The following ASTN1 variants were observed in gnomAD, a reference collection of about 807,000 sequenced individuals.
ASTN1 encodes astrotactin 1.
In ASTN1, 41 loss-of-function variants were observed where a neutral mutation model predicts 140.7. The observed-to-expected ratio is 0.29, with a 90% CI of 0.23 to 0.38. The LOEUF (loss-of-function observed/expected upper bound fraction) is 0.38, where lower values mean the gene tolerates loss of function less well. Ranked by LOEUF, ASTN1 falls within the 10% of genes least tolerant of loss-of-function variation. The pLI is 1.00. For missense variants in ASTN1, 1,479 were observed against 1,678.8 expected, an observed-to-expected ratio of 0.88 and a Z score of 2.08; for synonymous variants, 640 against 652.2, an observed-to-expected ratio of 0.98 and a Z score of 0.29.
chr1:177,061,168 A>G lies in ASTN1; in HGVS notation c.381T>C (p.Gly127=), dbSNP rs776926099. ...TLLFHIHHQD[G]APSLPGQDPT... is the part of the protein sequence containing the mutation. ...GGTCTTGTCCAGGAAGGCTTGGGGCACCATCTTGGTGATGAATGTGAAAAA... is the reference window on the plus strand; with the variant it reads ...GGTCTTGTCCAGGAAGGCTTGGGGCGCCATCTTGGTGATGAATGTGAAAAA... The change falls in exon 2 of 23, where the codon GGT becomes GGC. Residue 127 remains glycine (G), a synonymous_variant. Transcript: ENST00000361833. The G allele has an allele frequency of 8.1e-6, 13 of 1,611,568 alleles. No individual in the cohort carries two copies. Among genetic ancestry groups the G allele is most frequent in the South Asian group, 4.4e-5 (4 of 90,464 alleles).
At chr1:176,860,978 A>T, downstream of ASTN1, 3 of 675,692 alleles carry the variant, frequency 4.4e-6, no homozygotes, top group Non-Finnish European at 5.5e-6. Context: ...CTGGAATCTG[A>T]AGTGTAACCT....
chr1:177,075,645 C>CTT lies in ASTN1; in HGVS notation c.284-14382_284-14381dup, dbSNP rs5778927. 3.6e-3 allele frequency among the ~76,000 whole-genome samples: 358 copies of CTT among 99,534 alleles called. 2 individuals carry two copies. The highest frequency in any genetic ancestry group is 0.013 in the African/African-American group (312 of 23,740). 65.3% of individuals were successfully genotyped at this position (99,534 alleles called of 152,430 possible). ...TCTTTCTTTTCTTTTCTTTTCTTTT[C>CTT]TTTTTTTTTTTTTTTTTTTGAGACA... On this transcript the variant is annotated intron_variant, in intron 1 of 22. Transcript: ENST00000361833.
chr1:177,015,420 C>A (rs1269200790), intron 7 of ASTN1, among the ~76,000 whole-genome samples: 2 of 152,142 alleles, frequency 1.3e-5, no homozygotes, highest in Admixed American at 6.5e-5. Context: ...GACTCCAGAC[C>A]TTTTTCTCCC....
intron 1 of ASTN1, among the ~76,000 whole-genome samples, chr1:177,129,981 A>G (rs545909985): frequency 4.6e-4 from 70 of 152,286 alleles, no homozygotes; most frequent in African/African-American, 1.6e-3. Context: ...ATAAAAAAGA[A>G]AAAAGAATTT....
chr1:177,164,361 C>T, intron 1 of ASTN1, 33 bp downstream of exon 1: 1 of 1,532,442 alleles, frequency 6.5e-7, no homozygotes, highest in Non-Finnish European at 8.8e-7. Context: ...CGGTCCAGCG[C>T]CTCCGGCCGC....
At chr1:177,054,035 T>C (rs1354133325) in intron 2 of ASTN1, among the ~76,000 whole-genome samples, 3 of 152,172 alleles carry the variant, frequency 2.0e-5, no homozygotes, top group African/African-American at 4.8e-5. Flanking sequence ...ACATCAAAAG[T>C]TGGTGAAATG....
intron 8 of ASTN1, among the ~76,000 whole-genome samples, chr1:176,994,158 A>ATTAC (rs1303866242): frequency 6.6e-6 from 1 of 151,428 alleles, no homozygotes; most frequent in Non-Finnish European, 1.5e-5. Flanking sequence ...ATAGCAGGTA[A>ATTAC]ATTCCTCTCC....
intron 10 of ASTN1, 123 bp downstream of exon 10, chr1:176,958,222 G>A (rs1291508616): frequency 6.2e-6 from 9 of 1,463,010 alleles, no homozygotes; most frequent in African/African-American, 1.4e-5. Context: ...GAATTTGCAG[G>A]CTGCCTGCCA....
At chr1:176,876,742 G>C in intron 20 of ASTN1, 105 bp from the exon 21 acceptor site, 1 of 1,082,786 alleles carries the variant, frequency 9.2e-7, no homozygotes, top group Non-Finnish European at 1.3e-6. Flanking sequence ...GGTGGCTATG[G>C]ACCCAGATAC....
intron 1 of ASTN1, among the ~76,000 whole-genome samples, chr1:177,121,644 C>T (rs182736699): frequency 1.3e-5 from 2 of 152,268 alleles, no homozygotes; most frequent in East Asian, 3.9e-4. Flanking sequence ...GTTAGCATTT[C>T]CTCCACCTCC....
chr1:176,908,444 C>A (rs1004739756), intron 16 of ASTN1, among the ~76,000 whole-genome samples: 1 of 152,138 alleles, frequency 6.6e-6, no homozygotes, highest in Non-Finnish European at 1.5e-5. Context: ...GCAGCAGCCC[C>A]GTCATGTCTG....
At chr1:177,065,428 A>G (rs142936809) in intron 1 of ASTN1, among the ~76,000 whole-genome samples, 1 of 152,208 alleles carries the variant, frequency 6.6e-6, no homozygotes, top group Admixed American at 6.5e-5. Flanking sequence ...ATTGTGTTAC[A>G]TGGTCCCTAT....
chr1:176,983,045 A>T (rs780225607), intron 8 of ASTN1, among the ~76,000 whole-genome samples: 2 of 152,172 alleles, frequency 1.3e-5, no homozygotes, highest in Non-Finnish European at 2.9e-5. Flanking sequence ...AGGTATGCAC[A>T]TGAGTAGGAG....
intron 22 of ASTN1, among the ~76,000 whole-genome samples, chr1:176,866,989 G>A (rs1285368134): frequency 6.6e-6 from 1 of 152,136 alleles, no homozygotes; most frequent in Non-Finnish European, 1.5e-5. Context: ...GCAGACTAAT[G>A]AAACTACACA....
intron 21 of ASTN1, among the ~76,000 whole-genome samples, chr1:176,869,273 C>T (rs756816542): frequency 2.6e-5 from 4 of 151,976 alleles, no homozygotes; most frequent in Non-Finnish European, 4.4e-5. Context: ...TATGCTGTTA[C>T]AGAAAGAGCA....
At chr1:177,158,215 A>C (rs1683323323) in intron 1 of ASTN1, among the ~76,000 whole-genome samples, 1 of 152,220 alleles carries the variant, frequency 6.6e-6, no homozygotes, top group Admixed American at 6.5e-5. Flanking sequence ...GTTCCTTGGA[A>C]ATCTAGAGAT....
chr1:177,108,638 T>A (rs960042163), intron 1 of ASTN1, among the ~76,000 whole-genome samples: 2 of 152,206 alleles, frequency 1.3e-5, no homozygotes, highest in African/African-American at 4.8e-5. Flanking sequence ...GCAGGTGGGT[T>A]GCTTCCACCT....
At chr1:176,978,493 G>A (rs1031651981) in intron 8 of ASTN1, among the ~76,000 whole-genome samples, 3 of 152,170 alleles carry the variant, frequency 2.0e-5, no homozygotes, top group Non-Finnish European at 4.4e-5. Context: ...GAATTTCTTG[G>A]AAGATATTTT....
intron 13 of ASTN1, among the ~76,000 whole-genome samples, chr1:176,944,259 T>G (rs1671860596): frequency 6.6e-6 from 1 of 152,060 alleles, no homozygotes; most frequent in South Asian, 2.1e-4. Context: ...ACCCACAATG[T>G]AAAATTATTA....
Sources: gnomAD v4.1 joint callset for allele counts (sites outside exome capture counted in the v4.1 genomes callset) on GRCh38, gnomAD v4.1.1 for gene constraint, MANE v1.5 for transcripts, NCBI Gene and HGNC (gene_info 2026-07-23, HGNC 2026-07-21) for gene names.